PLEKHA7: variants seen among roughly 807,000 people sequenced by gnomAD.
PLEKHA7 encodes pleckstrin homology domain-containing family A member 7.
A neutral mutation model predicts 170.0 loss-of-function variants in PLEKHA7; 104 were observed. The observed-to-expected ratio is 0.61, with a 90% CI of 0.52 to 0.72. The LOEUF (loss-of-function observed/expected upper bound fraction) is 0.72. PLEKHA7 is among the 30% of genes least tolerant of loss of function. The pLI, the probability that PLEKHA7 is intolerant of heterozygous loss-of-function variation, is 0.00. For synonymous variants in PLEKHA7, 648 were observed against 660.8 expected, an observed-to-expected ratio of 0.98 and a Z score of 0.30; for missense variants, 1,615 against 1,671.7, an observed-to-expected ratio of 0.97 and a Z score of 0.59.
chr11:16,794,785 A>C lies in PLEKHA7; in HGVS notation c.2519-71T>G, dbSNP rs1056479264. Reference sequence around the variant, plus strand: ...CCCTTCCTTGGAGGATGAGTGGAGTAATTTAGCACCTCGAAGACTCAACCT... The same window carrying C: ...CCCTTCCTTGGAGGATGAGTGGAGTCATTTAGCACCTCGAAGACTCAACCT... On this transcript the variant is annotated intron_variant, in intron 18 of 26. Transcript: ENST00000531066. 20 of 1,553,696 alleles carry C rather than the reference A, an allele frequency of 1.3e-5. No individual in the cohort carries two copies. In the African/African-American group the frequency reaches 2.4e-4, roughly 19 times the overall value.
chr11:16,892,870 A>T (rs1340706724), intron 3 of PLEKHA7, among the ~76,000 whole-genome samples: 1 of 152,142 alleles, frequency 6.6e-6, no homozygotes, highest in Non-Finnish European at 1.5e-5. Context: ...GGAGGCTGAG[A>T]TGTCCAAGAT....
chr11:16,854,100 A>T (rs984650482), intron 6 of PLEKHA7, among the ~76,000 whole-genome samples: 7 of 152,320 alleles, frequency 4.6e-5, no homozygotes, highest in African/African-American at 1.4e-4. Flanking sequence ...TGCTCTTAGC[A>T]ACTTAGGACA....
At chr11:16,978,236 C>T (rs1259879966) in intron 3 of PLEKHA7, among the ~76,000 whole-genome samples, 1 of 152,196 alleles carries the variant, frequency 6.6e-6, no homozygotes, top group African/African-American at 2.4e-5. Flanking sequence ...AGCTTAATAT[C>T]ACTTAATGCT....
rs217743 is a variant in PLEKHA7, at chr11:16,804,896, G to A, written c.2008-1601C>T. ...GTGCTGTCTCCTGCAATGCGGGGGG[G>A]GCGGTGCAGGGAGGTGTGGGGAGGT... On this transcript the variant is annotated intron_variant, in intron 13 of 26. Transcript: ENST00000531066. Among the ~76,000 whole-genome samples the A allele has an allele frequency of 3.7e-3, 557 of 152,242 alleles. 9 individuals carry two copies. Among genetic ancestry groups the A allele is most frequent in the African/African-American group, 0.012 (517 of 41,524 alleles).
Position 16,921,217 on chromosome 11 carries a change from G to T in PLEKHA7, c.222-50035C>A, listed in dbSNP as rs183092467. On this transcript the variant is annotated intron_variant, in intron 3 of 26. Coordinates refer to ENST00000531066, the MANE Select transcript of PLEKHA7 (RefSeq NM_001329630.2). ...GCTTACCAGATGCGTCAGAAAGAAA[G>T]ATGGGACCTTGAAAACTCTGAGCCT... Among the ~76,000 whole-genome samples the T allele has an allele frequency of 2.2e-3, 341 of 151,806 alleles. 1 individual carries two copies. The highest frequency in any genetic ancestry group is 3.7e-3 in the Non-Finnish European group (250 of 67,860).
At chr11:16,953,273 C>CG (rs1861514000) in intron 3 of PLEKHA7, among the ~76,000 whole-genome samples, 1 of 152,230 alleles carries the variant, frequency 6.6e-6, no homozygotes, top group Non-Finnish European at 1.5e-5. Flanking sequence ...TGGTCTTTTT[C>CG]ACAGTAATCA....
At chr11:16,889,400 CAAA>C (rs869268116) in intron 3 of PLEKHA7, among the ~76,000 whole-genome samples, 1,309 of 52,624 alleles carry the variant, frequency 0.025, 48 homozygotes, top group African/African-American at 0.069. Context: ...CTTTATTGCT[CAAA>C]AAAAAAAAAA....
At chr11:16,810,528 C>T (rs916964841) in intron 13 of PLEKHA7, among the ~76,000 whole-genome samples, 3 of 152,210 alleles carry the variant, frequency 2.0e-5, no homozygotes, top group Non-Finnish European at 1.5e-5. Context: ...TCAGCTGGTT[C>T]CTGGAGAGGA....
At position 16,826,234 on chromosome 11, in the gene PLEKHA7, C is replaced by T. The variant is rs900880133; in HGVS notation, c.1229G>A (p.Gly410Asp). The T allele has an allele frequency of 1.2e-6, 2 of 1,614,262 alleles. No homozygotes were observed. Among genetic ancestry groups the T allele is most frequent in the Non-Finnish European group, 1.7e-6 (2 of 1,180,050 alleles). ...GGGAGGAAAGGCCCGCTGGTACCCA[C>T]CAGTCCCATTCTGTTCTCCTGGGCC... ...SYGPGEQNGT[G>D]GYQRAFPPRT... The change falls in exon 10 of 27, where the codon GGT (glycine) becomes GAT (aspartate). Residue 410 changes from glycine (G) to aspartate (D), a missense_variant. Coordinates refer to ENST00000531066, the MANE Select transcript of PLEKHA7 (RefSeq NM_001329630.2).
chr11:16,785,658 T>A (rs972959992), intron 24 of PLEKHA7, among the ~76,000 whole-genome samples: 2 of 152,088 alleles, frequency 1.3e-5, no homozygotes, highest in African/African-American at 2.4e-5. Context: ...AGGAGTTACT[T>A]GCTCTCCTGG....
At position 16,817,181 on chromosome 11, in the gene PLEKHA7, G is replaced by A. The variant is rs1156309164; in HGVS notation, c.1485C>T (p.Tyr495=). The A allele has an allele frequency of 6.2e-7, 1 of 1,614,068 alleles. No homozygotes were observed. Among genetic ancestry groups the A allele is most frequent in the African/African-American group, 1.3e-5 (1 of 74,932 alleles). Residue 495 remains tyrosine (Y), a synonymous_variant, in exon 11 of 27, where the codon TAC becomes TAT. Coordinates refer to ENST00000531066, the MANE Select transcript of PLEKHA7 (RefSeq NM_001329630.2). The surrounding 1 kb of genome is among the most constrained non-coding windows in gnomAD (Gnocchi z 4.4). Reference sequence around the variant, plus strand: ...GGCTGGCTCGGTCCTGCGCATACTTGTAGTCACTTGGCAGGTTTCGGGGAG... The same window carrying A: ...GGCTGGCTCGGTCCTGCGCATACTTATAGTCACTTGGCAGGTTTCGGGGAG... ...SPPPRNLPSD[Y]KYAQDRASHL...
chr11:16,965,358 A>C (rs1206221092), intron 3 of PLEKHA7, among the ~76,000 whole-genome samples: 1 of 152,038 alleles, frequency 6.6e-6, no homozygotes, highest in Non-Finnish European at 1.5e-5. Flanking sequence ...CCTATCTTAG[A>C]CCAATTCTTC....
chr11:16,882,005 G>C (rs1470779671), intron 3 of PLEKHA7, among the ~76,000 whole-genome samples: 4 of 152,202 alleles, frequency 2.6e-5, no homozygotes, highest in Non-Finnish European at 4.4e-5. Context: ...CAAAGTGAAA[G>C]ATCAACACTG....
intron 4 of PLEKHA7, among the ~76,000 whole-genome samples, chr11:16,866,794 T>A (rs544236262): frequency 1.3e-5 from 2 of 152,268 alleles, no homozygotes; most frequent in East Asian, 3.9e-4. Flanking sequence ...TCTGGCCCCA[T>A]TAGATCACAG....
At position 16,826,356 on chromosome 11, in the gene PLEKHA7, C is replaced by T; in HGVS notation, c.1107G>A (p.Glu369=). Residue 369 remains glutamate (E), a synonymous_variant, in exon 10 of 27, where the codon GAG becomes GAA. Transcript: ENST00000531066. The part of the protein sequence containing the change: ...SKARSPYSPA[E]EDALFMDLPT... Reference sequence around the variant, plus strand: ...GTAAATCCATAAACAAGGCATCCTCCTCGGCTGGCGAGTACGGAGACCTGG... The same window carrying T: ...GTAAATCCATAAACAAGGCATCCTCTTCGGCTGGCGAGTACGGAGACCTGG... 6.2e-7 allele frequency: 1 copy of T among 1,614,264 alleles called. No individual in the cohort carries two copies. Among genetic ancestry groups the T allele is most frequent in the Non-Finnish European group, 8.5e-7 (1 of 1,180,046 alleles).
chr11:16,787,409 T>G (rs1358158805), intron 23 of PLEKHA7: 1 of 159,844 alleles, frequency 6.3e-6, no homozygotes, highest in Admixed American at 6.6e-5. Flanking sequence ...AAGCTCTCAA[T>G]GACTCCAAAT....
chr11:16,782,726 G>A (rs1274841953), intron 26 of PLEKHA7, 28 bp downstream of exon 26: 3 of 1,535,040 alleles, frequency 2.0e-6, no homozygotes, highest in Non-Finnish European at 2.6e-6. Flanking sequence ...GCAGGATCCA[G>A]GCCTTGGGGG....
intron 3 of PLEKHA7, among the ~76,000 whole-genome samples, chr11:17,003,493 T>C (rs147099434): frequency 2.6e-5 from 4 of 152,364 alleles, no homozygotes; most frequent in Non-Finnish European, 4.4e-5. Context: ...ATTGGGCATT[T>C]ACAATGTGCC....
intron 3 of PLEKHA7, among the ~76,000 whole-genome samples, chr11:17,007,179 G>A (rs1346969801): frequency 6.6e-6 from 1 of 152,160 alleles, no homozygotes; most frequent in African/African-American, 2.4e-5. Context: ...AGTGGGGCAT[G>A]GTGGTGGCAA....
Sources: allele counts gnomAD v4.1 joint callset (sites outside exome capture counted in the v4.1 genomes callset), GRCh38; gene constraint gnomAD v4.1.1; non-coding constraint Gnocchi (gnomAD v3.1); transcripts MANE v1.5; gene names NCBI Gene and HGNC (gene_info 2026-07-23, HGNC 2026-07-21).